The following CCSER1 variants were observed in gnomAD, a reference collection of about 807,000 sequenced individuals.
The protein encoded by CCSER1 is serine-rich coiled-coil domain-containing protein 1.
CCSER1 carries 41 observed loss-of-function variants against 82.0 expected under a neutral mutation model. That is an observed-to-expected ratio of 0.50 (90% CI 0.39 to 0.65). The LOEUF (loss-of-function observed/expected upper bound fraction) is 0.65. Among genes scored for constraint, CCSER1 ranks in the 30% least tolerant of loss-of-function variants. The pLI, the probability that CCSER1 is intolerant of heterozygous loss-of-function variation, is 0.00. For missense variants in CCSER1, 1,119 were observed against 1,064.2 expected, an observed-to-expected ratio of 1.05 and a Z score of -0.72; for synonymous variants, 414 against 383.9, an observed-to-expected ratio of 1.08 and a Z score of -0.92.
chr4:90,635,617 G>A lies in CCSER1; in HGVS notation c.1932+7385G>A, dbSNP rs539117842. Among the ~76,000 whole-genome samples the A allele has an allele frequency of 3.3e-5, 5 of 151,844 alleles. No homozygotes were observed. The South Asian group carries it at 6.2e-4, about 19-fold the overall frequency. On this transcript the variant is annotated intron_variant, in intron 6 of 10. Transcript: ENST00000509176. ...ATGTTTATATTCAAATAAAGAGTGC[G>A]ATAATTCGTAACCTTTAACTTTCTT...
At chr4:91,423,758 C>T (rs1315531547) in intron 10 of CCSER1, among the ~76,000 whole-genome samples, 1 of 152,010 alleles carries the variant, frequency 6.6e-6, no homozygotes, top group African/African-American at 2.4e-5. Flanking sequence ...TCATCTCCTT[C>T]AAAGAAGTTC....
intron 5 of CCSER1, among the ~76,000 whole-genome samples, chr4:90,608,099 C>T (rs1453205640): frequency 6.6e-6 from 1 of 152,040 alleles, no homozygotes; most frequent in African/African-American, 2.4e-5. Context: ...ATTTAGGGAT[C>T]TTAATAAATA....
At chr4:90,849,421 T>C (rs1014397253) in intron 8 of CCSER1, among the ~76,000 whole-genome samples, 3 of 152,114 alleles carry the variant, frequency 2.0e-5, no homozygotes, top group African/African-American at 7.2e-5. Context: ...TGGCAGAAAT[T>C]TCTAAGCAGT....
At chr4:90,644,467 A>T (rs980822214) in intron 6 of CCSER1, among the ~76,000 whole-genome samples, 3 of 151,872 alleles carry the variant, frequency 2.0e-5, no homozygotes, top group African/African-American at 7.3e-5. Flanking sequence ...TTTTTTATTT[A>T]ATTTAATTTA....
intron 9 of CCSER1, among the ~76,000 whole-genome samples, chr4:91,004,584 T>C (rs1738337048): frequency 6.6e-6 from 1 of 152,188 alleles, no homozygotes; most frequent in African/African-American, 2.4e-5. Context: ...GTACGAAACT[T>C]AAGAACCTTC....
intron 10 of CCSER1, among the ~76,000 whole-genome samples, chr4:91,452,357 AAGAGTC>A (rs1473266079): frequency 7.2e-5 from 11 of 152,004 alleles, no homozygotes; most frequent in South Asian, 2.1e-4. Context: ...ACGTGACTGT[AAGAGTC>A]AGAGGCAATG....
At chr4:91,331,973 A>T (rs72656125) in intron 10 of CCSER1, among the ~76,000 whole-genome samples, 1 of 152,270 alleles carries the variant, frequency 6.6e-6, no homozygotes, top group Non-Finnish European at 1.5e-5. Context: ...ATACATATAC[A>T]TATCACAATG....
chr4:90,608,402 T>C (rs745555430), intron 5 of CCSER1, among the ~76,000 whole-genome samples: 5 of 152,156 alleles, frequency 3.3e-5, no homozygotes, highest in South Asian at 2.1e-4. Flanking sequence ...GGTCCTCTGA[T>C]TGGGGACTGG....
chr4:91,527,807 A>G (rs1471765268), intron 10 of CCSER1, among the ~76,000 whole-genome samples: 1 of 152,328 alleles, frequency 6.6e-6, no homozygotes, highest in East Asian at 1.9e-4. Flanking sequence ...ACTGCAGGTA[A>G]TACAAGAGGG....
At chr4:90,442,163 C>T (rs28515547) in intron 4 of CCSER1, among the ~76,000 whole-genome samples, 16 of 151,968 alleles carry the variant, frequency 1.1e-4, no homozygotes, top group East Asian at 7.7e-4. Flanking sequence ...GTTCTCACAA[C>T]GAGGGGGGTC....
At chr4:91,303,851 TA>T (rs1744853056) in intron 10 of CCSER1, among the ~76,000 whole-genome samples, 1 of 151,894 alleles carries the variant, frequency 6.6e-6, no homozygotes, top group African/African-American at 2.4e-5. Flanking sequence ...CTACCCAGGA[TA>T]AAATAAAAAT....
At position 91,600,709 on chromosome 4, in the gene CCSER1, C is replaced by T. The variant is rs969850961; in HGVS notation, c.*1652C>T. On this transcript the variant is annotated 3_prime_UTR_variant, in exon 11 of 11. Transcript: ENST00000509176. ...ATACATTTGCAAACTTAGATTGGAA[C>T]TGATAAAGTAAGGAGTCGAGTGGAT... 2 of 152,150 alleles carry T rather than the reference C, an allele frequency of 1.3e-5. No homozygotes were observed. The highest frequency in any genetic ancestry group is 1.5e-5 in the Non-Finnish European group (1 of 68,008). 9.4% of individuals were successfully genotyped at this position (152,150 alleles called of 1,614,324 possible). A position where few individuals can be genotyped will look rare whatever the true frequency, so the allele number is the denominator to read the frequency against.
intron 1 of CCSER1, among the ~76,000 whole-genome samples, chr4:90,235,864 GGGCAATAGTCTATCAAACCT>G (rs1214087157): frequency 1.3e-5 from 2 of 152,164 alleles, no homozygotes; most frequent in African/African-American, 4.8e-5. Context: ...CTCAGAAGAA[GGGCAATAGTCTATCAAACCT>G]GGAAAATAAG....
intron 3 of CCSER1, among the ~76,000 whole-genome samples, chr4:90,372,047 C>G (rs1182652041): frequency 2.6e-5 from 4 of 152,134 alleles, no homozygotes; most frequent in Non-Finnish European, 5.9e-5. Context: ...TGTTCAACTA[C>G]TGATCAAAAA....
At chr4:90,546,679 A>G (rs1776799998) in intron 5 of CCSER1, among the ~76,000 whole-genome samples, 1 of 152,122 alleles carries the variant, frequency 6.6e-6, no homozygotes. Flanking sequence ...ATTTCCTATA[A>G]AAGATACTGA....
At chr4:90,699,037 G>A (rs1323532414) in intron 6 of CCSER1, among the ~76,000 whole-genome samples, 1 of 151,954 alleles carries the variant, frequency 6.6e-6, no homozygotes, top group Admixed American at 6.6e-5. Flanking sequence ...AGAGGTTGAG[G>A]GTGCAGTGAG....
intron 8 of CCSER1, among the ~76,000 whole-genome samples, chr4:90,890,005 A>G (rs1722730172): frequency 1.3e-5 from 2 of 152,196 alleles, no homozygotes; most frequent in Non-Finnish European, 2.9e-5. Flanking sequence ...TTTATGCTCA[A>G]TAGAAAACTC....
At chr4:90,271,881 TTTTTTTTTTA>T (rs1726584471) in intron 1 of CCSER1, among the ~76,000 whole-genome samples, 1 of 110,310 alleles carries the variant, frequency 9.1e-6, no homozygotes, top group Admixed American at 9.9e-5. Context: ...TTTTTTTTTT[TTTTTTTTTTA>T]AAAGGAGGTT....
chr4:91,244,019 T>G (rs1304541973), intron 10 of CCSER1, among the ~76,000 whole-genome samples: 1 of 152,200 alleles, frequency 6.6e-6, no homozygotes, highest in African/African-American at 2.4e-5. Flanking sequence ...TTCCCTGGGC[T>G]ACAGGAGAGT....
Sources: gnomAD v4.1 joint callset for allele counts (sites outside exome capture counted in the v4.1 genomes callset) on GRCh38, gnomAD v4.1.1 for gene constraint, MANE v1.5 for transcripts, NCBI Gene and HGNC (gene_info 2026-07-23, HGNC 2026-07-21) for gene names.